Variants in PFKFB3 observed in about 807,000 individuals in gnomAD.
PFKFB3 encodes the protein 6-phosphofructo-2-kinase/fructose-2,6-bisphosphatase 3.
A neutral mutation model predicts 68.0 loss-of-function variants in PFKFB3; 33 were observed. The observed-to-expected ratio is 0.49, with a 90% confidence interval of 0.37 to 0.65. The LOEUF (loss-of-function observed/expected upper bound fraction) is 0.65. Ranked by LOEUF, PFKFB3 falls within the 30% of genes least tolerant of loss-of-function variation. PFKFB3 has a pLI of 0.00. For missense variants in PFKFB3, 586 were observed against 712.2 expected (o/e 0.82, Z 2.02); for synonymous variants, 315 against 288.2 (o/e 1.09, Z -0.94).
At chr10:6,164,297 G>A (rs180785529) in intron 1 of PFKFB3, among the ~76,000 whole-genome samples, 6 of 152,210 alleles carry the variant, frequency 3.9e-5, no homozygotes, top group Admixed American at 3.9e-4. Flanking sequence ...CCTCGTATGC[G>A]TTGGGTCTGT....
At chr10:6,175,015 CATGTTGGCCAGG>C (rs1842421950) in intron 1 of PFKFB3, among the ~76,000 whole-genome samples, 1 of 152,044 alleles carries the variant, frequency 6.6e-6, no homozygotes, top group Non-Finnish European at 1.5e-5. Context: ...GGGGTTTCAC[CATGTTGGCCAGG>C]CTGGTCTTGA....
chr10:6,174,424 G>A (rs996688689), intron 1 of PFKFB3, among the ~76,000 whole-genome samples: 1 of 152,174 alleles, frequency 6.6e-6, no homozygotes, highest in Non-Finnish European at 1.5e-5. Context: ...GCCTGGCCAC[G>A]TCACACTGGC....
At chr10:6,295,735 T>G in the PFKFB3 span, among the ~76,000 whole-genome samples, 1 of 152,180 alleles carries the variant, frequency 6.6e-6, no homozygotes, top group East Asian at 1.9e-4. Flanking sequence ...TAGTTTCCCT[T>G]GAGGGCAGAA....
chr10:6,169,724 C>T (rs1324242655), intron 1 of PFKFB3, among the ~76,000 whole-genome samples: 1 of 152,170 alleles, frequency 6.6e-6, no homozygotes, highest in Non-Finnish European at 1.5e-5. Flanking sequence ...TTGGAACTCT[C>T]TAAATGTTTA....
exon 15 of PFKFB3, chr10:6,254,578 G>A (rs1460621166): frequency 1.0e-5 from 4 of 381,564 alleles, no homozygotes; most frequent in East Asian, 3.7e-5. Flanking sequence ...ATAGTGCTTC[G>A]AGTTCCCATA....
At chr10:6,203,636 C>G (rs1447205504) in intron 1 of PFKFB3, among the ~76,000 whole-genome samples, 3 of 151,816 alleles carry the variant, frequency 2.0e-5, no homozygotes, top group African/African-American at 7.3e-5. Flanking sequence ...ACATCCTCCG[C>G]GATCCCTGTC....
At position 6,156,129 on chromosome 10, in the gene PFKFB3, ATGTGTGTG is replaced by A. The variant is rs112267780; in HGVS notation, c.16+11144_16+11151del. On this transcript the variant is annotated intron_variant, in intron 1 of 14. Transcript: ENST00000379789. ...AGATATTATATATATGTACATATAT[ATGTGTGTG>A]TGTGTGTGTGTGTGTGTGTGTGTGT... 1.1e-3 allele frequency among the ~76,000 whole-genome samples: 107 copies of A among 96,956 alleles called. 1 individual carries two copies. The highest frequency in any genetic ancestry group is 5.2e-3 in the South Asian group (16 of 3,060). The allele number at this position is 96,956 out of a possible 152,430, so 63.6% of individuals were successfully genotyped here. A position where few individuals can be genotyped will look rare whatever the true frequency, so the allele number is the denominator to read the frequency against.
At chr10:6,218,409 A>T (rs148338296) in intron 6 of PFKFB3, among the ~76,000 whole-genome samples, 1 of 143,256 alleles carries the variant, frequency 7.0e-6, no homozygotes, top group African/African-American at 2.6e-5. Context: ...AATCATTTTT[A>T]TTATTTATTT....
chr10:6,326,320 A>G, the PFKFB3 span, among the ~76,000 whole-genome samples: 6 of 152,112 alleles, frequency 3.9e-5, no homozygotes, highest in Non-Finnish European at 7.4e-5. Flanking sequence ...AGCATTAGGG[A>G]AAAGACCTAA....
At chr10:6,321,230 CTT>C in the PFKFB3 span, among the ~76,000 whole-genome samples, 1 of 152,132 alleles carries the variant, frequency 6.6e-6, no homozygotes. Flanking sequence ...GATTCCGAAA[CTT>C]TTTGTTTTGC....
chr10:6,152,091 GT>G (rs1841610983), intron 1 of PFKFB3: 1 of 154,432 alleles, frequency 6.5e-6, no homozygotes, highest in Non-Finnish European at 1.5e-5. Context: ...ACATGCTGAT[GT>G]TTTCTAGTCT....
At chr10:6,274,768 C>T in the PFKFB3 span, among the ~76,000 whole-genome samples, 8 of 151,580 alleles carry the variant, frequency 5.3e-5, no homozygotes, top group African/African-American at 1.2e-4. Context: ...CCCGGGTGGT[C>T]GAGGTTGCAG....
At chr10:6,270,694 C>T in the PFKFB3 span, among the ~76,000 whole-genome samples, 1 of 152,134 alleles carries the variant, frequency 6.6e-6, no homozygotes, top group Non-Finnish European at 1.5e-5. Context: ...AGGAGTCTTC[C>T]CACCCTCCGG....
chr10:6,254,503 G>A (rs1846458435), exon 15 of PFKFB3: 1 of 397,126 alleles, frequency 2.5e-6, no homozygotes, highest in African/African-American at 2.1e-5. Context: ...AATGGATGAT[G>A]GGTAGTTTAT....
upstream of PFKFB3, among the ~76,000 whole-genome samples, chr10:6,201,614 G>T (rs1206131473): frequency 6.6e-6 from 1 of 152,100 alleles, no homozygotes; most frequent in South Asian, 2.1e-4. This position sits in a 1 kb window ranked among gnomAD's most constrained non-coding sequence, Gnocchi z 4.1. Context: ...CCGCCTGGGC[G>T]CGGGCGCCCT....
At chr10:6,156,667 T>C (rs1005005787) in intron 1 of PFKFB3, among the ~76,000 whole-genome samples, 14 of 149,494 alleles carry the variant, frequency 9.4e-5, no homozygotes, top group Non-Finnish European at 1.9e-4. Context: ...TTTGTATTTT[T>C]AGTAGAGATG....
the PFKFB3 span, among the ~76,000 whole-genome samples, chr10:6,326,296 G>A: frequency 4.2e-4 from 64 of 152,200 alleles, 3 homozygotes; most frequent in South Asian, 0.013. Flanking sequence ...GAGTGTGGGT[G>A]GTGGTGGTGG....
At chr10:6,157,630 C>T (rs1426811180) in intron 1 of PFKFB3, among the ~76,000 whole-genome samples, 1 of 152,148 alleles carries the variant, frequency 6.6e-6, no homozygotes, top group African/African-American at 2.4e-5. Context: ...CTATTGTCAC[C>T]CCATTTCCCG....
chr10:6,221,345 A>C (rs2131983824), intron 8 of PFKFB3, 36 bp from the exon 9 acceptor site: 1 of 1,611,644 alleles, frequency 6.2e-7, no homozygotes, highest in South Asian at 1.1e-5. Flanking sequence ...AGCTGCGGGC[A>C]TCTGGAATCA....
Sources: allele counts gnomAD v4.1 joint callset (sites outside exome capture counted in the v4.1 genomes callset), GRCh38; gene constraint gnomAD v4.1.1; non-coding constraint Gnocchi (gnomAD v3.1); transcripts MANE v1.5; gene names NCBI Gene and HGNC (gene_info 2026-07-23, HGNC 2026-07-21).